The following LRGUK variants were observed in gnomAD, a reference collection of about 807,000 sequenced individuals.
LRGUK encodes leucine rich repeats and guanylate kinase domain containing.
A neutral mutation model predicts 76.0 loss-of-function variants in LRGUK; 65 were observed. That is an observed-to-expected ratio of 0.85 (90% CI 0.70 to 1.05). The LOEUF (loss-of-function observed/expected upper bound fraction) is 1.05. Ranked by LOEUF, LRGUK falls within the 50% of genes least tolerant of loss-of-function variation. The pLI is 0.00. For synonymous variants in LRGUK, 268 were observed against 265.6 expected, an observed-to-expected ratio of 1.01 and a Z score of -0.09; for missense variants, 758 against 732.8, an observed-to-expected ratio of 1.03 and a Z score of -0.40.
At chr7:134,198,435 T>C (rs1224670531) in intron 13 of LRGUK, among the ~76,000 whole-genome samples, 1 of 152,216 alleles carries the variant, frequency 6.6e-6, no homozygotes, top group African/African-American at 2.4e-5. Flanking sequence ...CAGACTGCCC[T>C]GGTCATTGAC....
At chr7:134,243,871 A>C (rs943595506) in intron 16 of LRGUK, among the ~76,000 whole-genome samples, 1 of 152,230 alleles carries the variant, frequency 6.6e-6, no homozygotes, top group African/African-American at 2.4e-5. Context: ...CCAATGGAAC[A>C]GGATAGAGCC....
At chr7:134,130,876 CCTCT>C (rs1234925850) in intron 1 of LRGUK, among the ~76,000 whole-genome samples, 2 of 152,198 alleles carry the variant, frequency 1.3e-5, no homozygotes, top group East Asian at 3.8e-4. Flanking sequence ...AATTACTTAA[CCTCT>C]CTCATTCTTC....
chr7:134,132,377 A>G (rs990861452), intron 1 of LRGUK, among the ~76,000 whole-genome samples: 3 of 152,002 alleles, frequency 2.0e-5, no homozygotes, highest in Non-Finnish European at 4.4e-5. Context: ...AAAAAAGAAG[A>G]TGGGAATGGG....
chr7:134,201,382 A>ATC (rs879740143), intron 14 of LRGUK, 99 bp from the exon 15 acceptor site: 3 of 895,872 alleles, frequency 3.3e-6, no homozygotes, highest in African/African-American at 1.7e-5. Context: ...TAATATATAT[A>ATC]AAATTAAATG....
the LRGUK span, among the ~76,000 whole-genome samples, chr7:134,272,091 C>T: frequency 6.6e-6 from 1 of 152,080 alleles, no homozygotes. Flanking sequence ...ATCCTTGTCT[C>T]ACATCTGAAT....
intron 7 of LRGUK, among the ~76,000 whole-genome samples, chr7:134,169,106 G>A (rs1357251524): frequency 1.3e-5 from 2 of 149,896 alleles, no homozygotes; most frequent in Non-Finnish European, 3.0e-5. Context: ...TAAACCCAAT[G>A]TCCTGATAAG....
At chr7:134,275,700 A>C in the LRGUK span, among the ~76,000 whole-genome samples, 1 of 152,128 alleles carries the variant, frequency 6.6e-6, no homozygotes, top group Non-Finnish European at 1.5e-5. Context: ...AGTTTAGGAG[A>C]GGTAGCTGCC....
At chr7:134,170,747 A>G (rs1326375833) in intron 7 of LRGUK, among the ~76,000 whole-genome samples, 1 of 152,208 alleles carries the variant, frequency 6.6e-6, no homozygotes, top group Non-Finnish European at 1.5e-5. Context: ...GATAACAGCT[A>G]TCATTTATTG....
intron 15 of LRGUK, among the ~76,000 whole-genome samples, chr7:134,221,224 C>T (rs995358015): frequency 6.6e-6 from 1 of 152,052 alleles, no homozygotes; most frequent in Non-Finnish European, 1.5e-5. Context: ...TCCCATATAG[C>T]CAAAGCTATT....
At chr7:134,247,322 G>T (rs944249877) in intron 16 of LRGUK, among the ~76,000 whole-genome samples, 13 of 152,042 alleles carry the variant, frequency 8.6e-5, no homozygotes, top group Non-Finnish European at 1.9e-4. Context: ...TTATTTAGAT[G>T]TCAAATAGAG....
chr7:134,156,961 T>A (rs889171410), intron 5 of LRGUK, among the ~76,000 whole-genome samples: 1 of 152,158 alleles, frequency 6.6e-6, no homozygotes, highest in Admixed American at 6.5e-5. Context: ...CATGGGTTAC[T>A]TGAGAGGAAA....
At chr7:134,165,896 T>A (rs1252236567) in intron 7 of LRGUK, among the ~76,000 whole-genome samples, 1 of 152,078 alleles carries the variant, frequency 6.6e-6, no homozygotes, top group Non-Finnish European at 1.5e-5. Context: ...TATCATCACG[T>A]GAAGAAAGGA....
At chr7:134,194,999 G>A (rs1475945844) in intron 12 of LRGUK, among the ~76,000 whole-genome samples, 2 of 152,118 alleles carry the variant, frequency 1.3e-5, no homozygotes, top group African/African-American at 2.4e-5. Context: ...AGTTTTTAAG[G>A]ACAACTTAGT....
At chr7:134,166,142 T>C (rs919119337) in intron 7 of LRGUK, among the ~76,000 whole-genome samples, 1 of 152,042 alleles carries the variant, frequency 6.6e-6, no homozygotes, top group African/African-American at 2.4e-5. Context: ...GGAAAATTTA[T>C]CATTTAGCAG....
At chr7:134,196,520 C>T (rs964501640) in intron 12 of LRGUK, among the ~76,000 whole-genome samples, 3 of 152,116 alleles carry the variant, frequency 2.0e-5, no homozygotes, top group Non-Finnish European at 2.9e-5. Context: ...TTCATGGCCT[C>T]CCAGAATTAT....
chr7:134,258,753 AT>A (rs1279694480), intron 19 of LRGUK, among the ~76,000 whole-genome samples: 1 of 151,880 alleles, frequency 6.6e-6, no homozygotes, highest in African/African-American at 2.4e-5. Flanking sequence ...AGTTATATAT[AT>A]TTATATTTGT....
At chr7:134,134,048 C>T (rs1027468484) in intron 1 of LRGUK, among the ~76,000 whole-genome samples, 2 of 149,682 alleles carry the variant, frequency 1.3e-5, no homozygotes, top group African/African-American at 2.4e-5. Context: ...GGTGACAGAG[C>T]GAGACCATGC....
chr7:134,148,096 A>C (rs1265445694), intron 4 of LRGUK, 142 bp from the exon 5 acceptor site: 1 of 543,704 alleles, frequency 1.8e-6, no homozygotes, highest in Non-Finnish European at 3.2e-6. Context: ...AAGACAGATG[A>C]TTCTTTTAGC....
intron 5 of LRGUK, among the ~76,000 whole-genome samples, chr7:134,157,228 C>A (rs551663706): frequency 1.3e-5 from 2 of 152,166 alleles, no homozygotes; most frequent in South Asian, 4.1e-4. Context: ...TCAATGTAGA[C>A]GGAAAGAAAG....
Sources: allele counts gnomAD v4.1 joint callset (sites outside exome capture counted in the v4.1 genomes callset), GRCh38; gene constraint gnomAD v4.1.1; transcripts MANE v1.5; gene names NCBI Gene and HGNC (gene_info 2026-07-23, HGNC 2026-07-21).